The following DNAJC21 variants were observed in gnomAD, a reference collection of about 807,000 sequenced individuals.
DNAJC21 encodes DnaJ heat shock protein family (Hsp40) member C21.
DNAJC21 carries 63 observed loss-of-function variants against 72.4 expected under a neutral mutation model. The observed-to-expected ratio is 0.87, with a 90% confidence interval of 0.71 to 1.07. The LOEUF (loss-of-function observed/expected upper bound fraction) is 1.07. Among genes scored for constraint, DNAJC21 ranks in the 50% least tolerant of loss-of-function variants. The pLI, the probability that DNAJC21 is intolerant of heterozygous loss-of-function variation, is 0.00. For synonymous variants in DNAJC21, 203 were observed against 216.7 expected (o/e 0.94, Z 0.56); for missense variants, 634 against 644.8 (o/e 0.98, Z 0.18).
At position 34,942,031 on chromosome 5, in the gene DNAJC21, C is replaced by T. The variant is rs145977329; in HGVS notation, c.983+848C>T. 2.1e-3 allele frequency among the ~76,000 whole-genome samples: 327 copies of T among 152,250 alleles called. 4 individuals are homozygous for T. Among genetic ancestry groups the T allele is most frequent in the African/African-American group, 7.5e-3 (311 of 41,534 alleles). ...ATTAAACCTGTTGTACTGATTGTCA[C>T]TCATCCCAGTATTCCTATAGCTGCT... On this transcript the variant is annotated intron_variant, in intron 7 of 11. Coordinates refer to ENST00000648817, the MANE Select transcript of DNAJC21 (RefSeq NM_001012339.3).
At chr5:34,942,664 C>T (rs1765035959) in intron 7 of DNAJC21, among the ~76,000 whole-genome samples, 2 of 152,144 alleles carry the variant, frequency 1.3e-5, no homozygotes, top group African/African-American at 4.8e-5. Flanking sequence ...TTTGCATGTC[C>T]TCTTTCTCTC....
At chr5:34,935,578 A>T in intron 2 of DNAJC21, 132 bp from the exon 3 acceptor site, 5 of 1,005,644 alleles carry the variant, frequency 5.0e-6, no homozygotes, top group Non-Finnish European at 7.2e-6. Flanking sequence ...ATATTTCATT[A>T]AAAATTTTTG....
At chr5:34,939,104 C>A in intron 6 of DNAJC21, 95 bp downstream of exon 6, 1 of 1,171,756 alleles carries the variant, frequency 8.5e-7, no homozygotes, top group Non-Finnish European at 1.2e-6. Flanking sequence ...TTAAATGTGG[C>A]AAATAATTAA....
intron 7 of DNAJC21, among the ~76,000 whole-genome samples, chr5:34,944,516 A>G (rs113788939): frequency 3.9e-5 from 6 of 152,274 alleles, no homozygotes; most frequent in African/African-American, 1.4e-4. Context: ...AATCAAAATA[A>G]TAAGTAGAGA....
At chr5:34,954,224 TTC>T in intron 11 of DNAJC21, 1 of 474,112 alleles carries the variant, frequency 2.1e-6, no homozygotes, top group Non-Finnish European at 3.6e-6. Context: ...TACTGTTGTT[TTC>T]TATTACTTTT....
chr5:34,937,731 G>A (rs1764839600), intron 5 of DNAJC21, 101 bp downstream of exon 5: 2 of 1,339,640 alleles, frequency 1.5e-6, no homozygotes, highest in East Asian at 2.4e-5. Context: ...CATCAGCCTG[G>A]CTTTATCCTG....
chr5:34,942,876 C>T (rs1393372115), intron 7 of DNAJC21, among the ~76,000 whole-genome samples: 1 of 152,150 alleles, frequency 6.6e-6, no homozygotes. Context: ...TGAGACCAGC[C>T]TGACCAACAT....
In DNAJC21 at chr5:34,935,716, T is replaced by C. The variant is rs753708158; in HGVS notation, c.198T>C (p.Asp66=). The C allele has an allele frequency of 2.3e-5, 37 of 1,613,856 alleles. No homozygotes were observed. The Middle Eastern group carries it at 8.2e-4, about 36-fold the overall frequency. ...GCTAATTTTTGTTTTTCAGGTATGA[T>C]AATCATAGAGAGGCCCTACTTAAAG... ...LSDPQERAWY[D]NHREALLKGG... is the part of the protein sequence containing the mutation. The change falls in exon 3 of 12, where the codon GAT becomes GAC. Residue 66 remains aspartate (D), a synonymous_variant. Transcript: ENST00000648817.
At chr5:34,951,856 G>A (rs1765378230) in intron 10 of DNAJC21, 1 of 985,416 alleles carries the variant, frequency 1.0e-6, no homozygotes, top group Non-Finnish European at 1.2e-6. Flanking sequence ...ATTGATCTGG[G>A]GAGGAAGAAG....
intron 1 of DNAJC21, among the ~76,000 whole-genome samples, chr5:34,931,565 C>T (rs2112015196): frequency 6.6e-6 from 1 of 152,242 alleles, no homozygotes; most frequent in South Asian, 2.1e-4. Context: ...TTCTTGAGTA[C>T]AAGAGTAGTT....
Position 34,941,181 on chromosome 5 carries a change from G to C in DNAJC21, c.981G>C (p.Lys327Asn). Residue 327 changes from lysine to asparagine, a missense_variant and splice_region_variant, in exon 7 of 12, where the codon AAG becomes AAC. Coordinates refer to ENST00000648817, the MANE Select transcript of DNAJC21 (RefSeq NM_001012339.3). ...GTGACAAATCGTTCAAGACAGAAAAGGCGTAAGTTTATTAATTTAATTTAA... is the reference window on the plus strand; with the variant it reads ...GTGACAAATCGTTCAAGACAGAAAACGCGTAAGTTTATTAATTTAATTTAA... Reference protein sequence around the residue: ...PACDKSFKTEKAMKNHEKSKK... With the variant: ...PACDKSFKTENAMKNHEKSKK... 6.2e-7 allele frequency: 1 copy of C among 1,613,634 alleles called. No individual in the cohort carries two copies. Among genetic ancestry groups the C allele is most frequent in the Non-Finnish European group, 8.5e-7 (1 of 1,179,662 alleles).
rs1430497579 is a variant in DNAJC21, at chr5:34,937,579, AG to A, written c.694del (p.Ala232ArgfsTer7). 1.2e-6 allele frequency: 2 copies of A among 1,613,762 alleles called. No homozygotes were observed. The highest frequency in any genetic ancestry group is 2.7e-5 in the African/African-American group (2 of 74,926). On this transcript the variant is annotated frameshift_variant, in exon 5 of 12. Transcript: ENST00000648817. LOFTEE classifies it high-confidence loss of function. ...RKLVEEQNAE[K>X]ARKAEEMRRQ... is the part of the protein sequence containing the mutation. ...CTTGTGGAAGAACAGAATGCAGAGA[AG>A]GCGAGGAAAGCCGAAGAGATGAGGC... is the stretch of plus-strand genomic sequence containing the variant.
In DNAJC21 at chr5:34,953,972, GTC is replaced by G; in HGVS notation, c.1406_1407del (p.Val469GlufsTer5). The G allele has an allele frequency of 6.2e-7, 1 of 1,612,108 alleles. No individual in the cohort carries two copies. The highest frequency in any genetic ancestry group is 8.5e-7 in the Non-Finnish European group (1 of 1,179,356). ...GKKTKDMKKP[V>X]RVPAEPQTMS... ...GAAAACCAAAGATATGAAAAAACCT[GTC>G]AGAGTACCTGCTGAACCACAAACAA... On this transcript the variant is annotated frameshift_variant, in exon 11 of 12. Coordinates refer to ENST00000648817, the MANE Select transcript of DNAJC21 (RefSeq NM_001012339.3). LOFTEE classifies it high-confidence loss of function.
Position 34,954,503 on chromosome 5 carries a change from C to G in DNAJC21, c.1435-50C>G, listed in dbSNP as rs1248954968. On this transcript the variant is annotated intron_variant, in intron 11 of 11. Coordinates refer to ENST00000648817, the MANE Select transcript of DNAJC21 (RefSeq NM_001012339.3). ...CTTGATATTAAAACCTAAAACACTA[C>G]TTTCAAGTGATAACGCTTACTTTTA... 3 of 1,534,538 alleles carry G rather than the reference C, an allele frequency of 2.0e-6. No homozygotes were observed. In the South Asian group the frequency reaches 3.8e-5, roughly 20 times the overall value.
At chr5:34,953,233 G>C (rs903225384) in intron 10 of DNAJC21, among the ~76,000 whole-genome samples, 6 of 151,854 alleles carry the variant, frequency 4.0e-5, no homozygotes, top group African/African-American at 1.5e-4. Context: ...AAGATGGTTT[G>C]CTCCTTTAAA....
At position 34,956,068 on chromosome 5, in the gene DNAJC21, A is replaced by AG. The variant is rs1765527919; in HGVS notation, c.*1354_*1355insG. 6.6e-6 allele frequency: 1 copy of AG among 152,090 alleles called. No individual in the cohort carries two copies. Among genetic ancestry groups the AG allele is most frequent in the Non-Finnish European group, 1.5e-5 (1 of 68,030 alleles). 9.4% of individuals were successfully genotyped at this position (152,090 alleles called of 1,614,324 possible). A position where few individuals can be genotyped will look rare whatever the true frequency, so the allele number is the denominator to read the frequency against. On this transcript the variant is annotated 3_prime_UTR_variant, in exon 12 of 12. Transcript: ENST00000648817. ...ACTCCGTCTCAAAAAAAAAAAAAAA[A>AG]AAAAAAAGAAAGTAATTTTAAACTC...
chr5:34,948,498 A>T (rs1251488880), intron 9 of DNAJC21, among the ~76,000 whole-genome samples: 1 of 152,216 alleles, frequency 6.6e-6, no homozygotes, highest in Non-Finnish European at 1.5e-5. Flanking sequence ...GAGTCATCAA[A>T]AGGAATAAGG....
intron 1 of DNAJC21, among the ~76,000 whole-genome samples, chr5:34,932,525 C>T (rs2112018990): frequency 6.6e-6 from 1 of 152,040 alleles, no homozygotes; most frequent in African/African-American, 2.4e-5. Flanking sequence ...ATTACCAATA[C>T]CTCAGGGCTT....
chr5:34,937,202 A>G (rs1561182891), intron 4 of DNAJC21, 124 bp from the exon 5 acceptor site: 9 of 976,280 alleles, frequency 9.2e-6, no homozygotes, highest in Non-Finnish European at 1.0e-5. Context: ...TTCTCCAGAG[A>G]TTATTAGAAG....
Sources: gnomAD v4.1 joint callset for allele counts (sites outside exome capture counted in the v4.1 genomes callset) on GRCh38, gnomAD v4.1.1 for gene constraint, MANE v1.5 for transcripts, NCBI Gene and HGNC (gene_info 2026-07-23, HGNC 2026-07-21) for gene names.